PDCD6IP: variants seen among roughly 807,000 people sequenced by gnomAD.
PDCD6IP encodes the protein programmed cell death 6 interacting protein.
Under a neutral mutation model 103.7 loss-of-function variants are expected in PDCD6IP, and 43 were observed. That is an observed-to-expected ratio of 0.41 (90% CI 0.32 to 0.53). The LOEUF (loss-of-function observed/expected upper bound fraction) is 0.53, where lower values mean the gene tolerates loss of function less well. PDCD6IP is among the 20% of genes least tolerant of loss of function. The pLI, the probability that PDCD6IP is intolerant of heterozygous loss-of-function variation, is 0.16. For synonymous variants in PDCD6IP, 354 were observed against 378.7 expected (o/e 0.93, Z 0.76); for missense variants, 871 against 1,036.7 (o/e 0.84, Z 2.20).
chr3:33,828,926 C>G lies in PDCD6IP; in HGVS notation c.791C>G (p.Ala264Gly), dbSNP rs1697187784. The G allele has an allele frequency of 6.2e-7, 1 of 1,609,002 alleles. No individual in the cohort carries two copies. The highest frequency in any genetic ancestry group is 1.3e-5 in the African/African-American group (1 of 74,676). Reference protein sequence around the residue: ...ANAEYHQSILAKQQKKFGEEI... With the variant: ...ANAEYHQSILGKQQKKFGEEI... The stretch of plus-strand genomic sequence containing the variant: ...GCTGAGTACCATCAGTCTATCCTGG[C>G]AAAACAGCAGAAGAAATTTGGAGAA... Residue 264 changes from alanine (A) to glycine (G), a missense_variant, in exon 7 of 18, where the codon GCA becomes GGA. Physicochemically the swap from Ala to Gly is moderately conservative, Grantham distance 60 (BLOSUM62 0). This residue lies in a region of PDCD6IP where 242 missense variants were observed against 250.7 expected (regional missense o/e 0.97). Coordinates refer to ENST00000307296, the MANE Select transcript of PDCD6IP (RefSeq NM_013374.6).
Position 33,798,915 on chromosome 3 carries a change from G to A in PDCD6IP, c.187G>A (p.Gly63Ser). The A allele has an allele frequency of 6.5e-7, 1 of 1,541,216 alleles. No homozygotes were observed. The highest frequency in any genetic ancestry group is 8.8e-7 in the Non-Finnish European group (1 of 1,140,178). ...AVGRPLDKHE[G>S]ALETLLRYYD... ...CGGTCGTCCGCTGGACAAGCACGAG[G>A]GCGCGCTCGAGACGCTCCTGAGGTG... The change falls in exon 1 of 18, where the codon GGC becomes AGC. Residue 63 changes from glycine to serine, a missense_variant. Around this residue, in one of 5 missense-constraint regions of PDCD6IP, gnomAD observed 114 missense variants for 106.7 expected, o/e 1.07. Transcript: ENST00000307296.
intron 17 of PDCD6IP, among the ~76,000 whole-genome samples, chr3:33,865,883 TAAAA>T (rs1698053041): frequency 1.3e-5 from 2 of 152,342 alleles, no homozygotes; most frequent in South Asian, 4.1e-4. Flanking sequence ...TTCTTAATTT[TAAAA>T]ATCCAAACAT....
intron 15 of PDCD6IP, among the ~76,000 whole-genome samples, chr3:33,855,737 A>G (rs549270878): frequency 6.6e-6 from 1 of 152,356 alleles, no homozygotes; most frequent in South Asian, 2.1e-4. Context: ...CAGTGCTGAT[A>G]AAAGGTGGAA....
At chr3:33,857,689 G>A (rs867479568) in intron 15 of PDCD6IP, among the ~76,000 whole-genome samples, 5 of 152,212 alleles carry the variant, frequency 3.3e-5, no homozygotes, top group African/African-American at 9.6e-5. Context: ...AAGATCACAG[G>A]TTTGTCTTAA....
chr3:33,847,106 G>C (rs1000365721), intron 12 of PDCD6IP, among the ~76,000 whole-genome samples: 17 of 152,176 alleles, frequency 1.1e-4, no homozygotes, highest in African/African-American at 3.9e-4. Flanking sequence ...CAGACCCTTC[G>C]AACAGCAATA....
chr3:33,818,097 G>GTTTTTTTTTTTT (rs756780125), intron 3 of PDCD6IP, among the ~76,000 whole-genome samples: 2 of 68,086 alleles, frequency 2.9e-5, no homozygotes, highest in African/African-American at 6.4e-5. Context: ...TTTCATTCTT[G>GTTTTTTTTTTTT]TTTTTTTTTT....
intron 8 of PDCD6IP, among the ~76,000 whole-genome samples, chr3:33,837,755 T>G (rs1697382694): frequency 6.6e-6 from 1 of 152,086 alleles, no homozygotes; most frequent in Admixed American, 6.6e-5. Flanking sequence ...CACTGGCTAA[T>G]TTTTGTATTT....
chr3:33,855,079 T>A (rs1375707392), intron 14 of PDCD6IP, 87 bp from the exon 15 acceptor site: 95 of 774,534 alleles, frequency 1.2e-4, no homozygotes, highest in Non-Finnish European at 2.1e-4. Flanking sequence ...GCTCTAACTA[T>A]CATTGACAAA....
chr3:33,845,633 C>T (rs1428840005), intron 12 of PDCD6IP, 45 bp downstream of exon 12: 1 of 1,455,268 alleles, frequency 6.9e-7, no homozygotes, highest in Non-Finnish European at 9.3e-7. Flanking sequence ...CTTAAGAAAA[C>T]CACATTCAAG....
intron 4 of PDCD6IP, among the ~76,000 whole-genome samples, 174 bp from the exon 5 acceptor site, chr3:33,825,013 G>C (rs892872575): frequency 1.3e-5 from 2 of 152,128 alleles, no homozygotes; most frequent in Non-Finnish European, 2.9e-5. Context: ...TAGAGTTTTA[G>C]AAAGATAACC....
intron 5 of PDCD6IP, 138 bp from the exon 6 acceptor site, chr3:33,826,342 A>G: frequency 1.6e-6 from 1 of 630,508 alleles, no homozygotes; most frequent in South Asian, 2.2e-5. Flanking sequence ...TCTGTTCTAA[A>G]TTTTGTGCAG....
At position 33,852,519 on chromosome 3, in the gene PDCD6IP, A is replaced by G. The variant is rs1369666048; in HGVS notation, c.1673A>G (p.Asn558Ser). 24 of 1,573,510 alleles carry G rather than the reference A, an allele frequency of 1.5e-5. No individual in the cohort carries two copies. The highest frequency in any genetic ancestry group is 1.9e-5 in the Non-Finnish European group (22 of 1,166,102). The change falls in exon 13 of 18, where the codon AAT (asparagine) becomes AGT (serine). Residue 558 changes from asparagine to serine, a missense_variant. Around this residue, in one of 5 missense-constraint regions of PDCD6IP, gnomAD observed 266 missense variants for 390.5 expected, o/e 0.68. Transcript: ENST00000307296. ...AATGTCTTAAAATCCTTATTGTCAA[A>G]TCTTGATGAAGTAAAGAAGGAAAGA... is the stretch of plus-strand genomic sequence containing the variant. Reference protein sequence around the residue: ...VVNVLKSLLSNLDEVKKEREG... With the variant: ...VVNVLKSLLSSLDEVKKEREG...
intron 11 of PDCD6IP, among the ~76,000 whole-genome samples, chr3:33,845,071 C>T (rs753315661): frequency 2.0e-5 from 3 of 150,772 alleles, no homozygotes; most frequent in Non-Finnish European, 4.4e-5. Flanking sequence ...GCTCTTTTGA[C>T]AGAGGAATAC....
rs1697103347 is a variant in PDCD6IP at position 33,825,610 on chromosome 3, A to T, written c.616+270A>T. ...AATAGTATTTATGTATGTTTTTAAC[A>T]TGTCAGACATTTATTCGCAAATATT... On this transcript the variant is annotated intron_variant, in intron 5 of 17. Transcript: ENST00000307296. Among the ~76,000 whole-genome samples, 3 of 152,360 alleles carry T rather than the reference A, an allele frequency of 2.0e-5. No individual in the cohort carries two copies. In the South Asian group the frequency reaches 6.2e-4, roughly 32 times the overall value.
intron 1 of PDCD6IP, chr3:33,811,028 G>A (rs957771914): frequency 2.0e-5 from 8 of 392,828 alleles, no homozygotes; most frequent in African/African-American, 1.5e-4. Flanking sequence ...TGGGACCACA[G>A]GTGTGCGCCA....
At chr3:33,815,427 G>A (rs888429622) in intron 3 of PDCD6IP, among the ~76,000 whole-genome samples, 6 of 152,124 alleles carry the variant, frequency 3.9e-5, no homozygotes, top group African/African-American at 1.4e-4. Context: ...TGAGGAAAAG[G>A]CACTATTATT....
chr3:33,806,134 G>A (rs1696592478), intron 1 of PDCD6IP, among the ~76,000 whole-genome samples: 1 of 152,170 alleles, frequency 6.6e-6, no homozygotes, highest in Non-Finnish European at 1.5e-5. Flanking sequence ...TTTTCCCCAT[G>A]AGATTTTTAA....
At chr3:33,825,427 A>G (rs894395477) in intron 5 of PDCD6IP, 87 bp downstream of exon 5, 23 of 1,175,102 alleles carry the variant, frequency 2.0e-5, no homozygotes, top group East Asian at 5.1e-5. Context: ...AATATGTTCA[A>G]TGTCGAGCTG....
intron 7 of PDCD6IP, among the ~76,000 whole-genome samples, chr3:33,834,928 C>T (rs1165658441): frequency 6.6e-6 from 1 of 152,038 alleles, no homozygotes; most frequent in Non-Finnish European, 1.5e-5. Context: ...CTGGTCCAGC[C>T]ATTGCTGAGA....
Sources: gnomAD v4.1 joint callset for allele counts (sites outside exome capture counted in the v4.1 genomes callset) on GRCh38, gnomAD v4.1.1 for gene constraint, gnomAD v4.1.1 regional missense constraint, MANE v1.5 for transcripts, NCBI Gene and HGNC (gene_info 2026-07-23, HGNC 2026-07-21) for gene names.